RBFOX1: variants seen among roughly 807,000 people sequenced by gnomAD.
The protein encoded by RBFOX1 is RNA binding protein fox-1 homolog 1.
RBFOX1 carries 8 observed loss-of-function variants against 57.7 expected under a neutral mutation model. The observed-to-expected ratio is 0.14, with a 90% CI of 0.08 to 0.25. RBFOX1 has a LOEUF of 0.25. Among genes scored for constraint, RBFOX1 ranks in the 10% least tolerant of loss-of-function variants. The pLI, the probability that RBFOX1 is intolerant of heterozygous loss-of-function variation, is 1.00. For missense variants in RBFOX1, 611 were observed against 548.5 expected, an observed-to-expected ratio of 1.11 and a Z score of -1.14; for synonymous variants, 326 against 222.4, an observed-to-expected ratio of 1.47 and a Z score of -4.15.
chr16:6,569,680 C>T (rs1182078395), intron 2 of RBFOX1, among the ~76,000 whole-genome samples: 1 of 152,180 alleles, frequency 6.6e-6, no homozygotes, highest in East Asian at 1.9e-4. Context: ...GGGAACCCAT[C>T]CTGTGAGTAC....
intron 2 of RBFOX1, among the ~76,000 whole-genome samples, chr16:6,611,753 G>A (rs2098058988): frequency 6.6e-6 from 1 of 152,062 alleles, no homozygotes; most frequent in African/African-American, 2.4e-5. Flanking sequence ...CTGAATGCAG[G>A]AGAAGCCAGA....
intron 1 of RBFOX1, among the ~76,000 whole-genome samples, chr16:5,247,274 G>A (rs1219436027): frequency 2.0e-5 from 3 of 152,202 alleles, no homozygotes; most frequent in Non-Finnish European, 2.9e-5. Flanking sequence ...CTTGCAAACT[G>A]TGGTTTGTGG....
At chr16:5,422,459 A>G in intron 1 of RBFOX1, among the ~76,000 whole-genome samples, 1 of 114,410 alleles carries the variant, frequency 8.7e-6, no homozygotes, top group Non-Finnish European at 1.8e-5. Context: ...AACATGAGGG[A>G]GAGGGAGGGG....
At chr16:6,976,864 T>G (rs1299043075) in intron 3 of RBFOX1, among the ~76,000 whole-genome samples, 2 of 6,990 alleles carry the variant, frequency 2.9e-4, no homozygotes, top group East Asian at 0.056. Flanking sequence ...CACATATATA[T>G]CACATATGTC....
intron 4 of RBFOX1, among the ~76,000 whole-genome samples, chr16:5,981,288 C>G (rs1409997488): frequency 6.6e-6 from 1 of 152,162 alleles, no homozygotes; most frequent in African/African-American, 2.4e-5. Context: ...TTATGGAGAG[C>G]TGGCATCTAC....
intron 4 of RBFOX1, among the ~76,000 whole-genome samples, chr16:7,412,654 G>A (rs1322253114): frequency 1.3e-5 from 2 of 152,160 alleles, no homozygotes; most frequent in South Asian, 2.1e-4. Flanking sequence ...TTTCTCCCAT[G>A]TCTGTTAGAC....
intron 4 of RBFOX1, among the ~76,000 whole-genome samples, chr16:7,449,465 A>T (rs1471882881): frequency 1.3e-5 from 2 of 152,154 alleles, no homozygotes; most frequent in Admixed American, 1.3e-4. Flanking sequence ...GTTATCATCC[A>T]GGTTTCACTA....
chr16:5,603,950 A>C (rs1023312922), downstream of RBFOX1, among the ~76,000 whole-genome samples: 2 of 148,038 alleles, frequency 1.4e-5, no homozygotes, highest in Non-Finnish European at 3.0e-5. Flanking sequence ...TACCCAAGGC[A>C]GACATTACTA....
At chr16:7,603,082 A>T (rs1461150141) in intron 9 of RBFOX1, among the ~76,000 whole-genome samples, 14 of 152,192 alleles carry the variant, frequency 9.2e-5, no homozygotes, top group Non-Finnish European at 2.1e-4. Flanking sequence ...AAGCAGTGCT[A>T]ATCAAAAAGT....
chr16:7,449,724 G>A lies in RBFOX1; in HGVS notation c.28-68423G>A, dbSNP rs554678600. ...GAAAAAGAAACATGTATGTGTGTGT[G>A]TGTGTGGGGGGGGGGGGTTGTTTTG... On this transcript the variant is annotated intron_variant, in intron 4 of 15. Coordinates refer to ENST00000550418, the MANE Select transcript of RBFOX1 (RefSeq NM_018723.4). Among the ~76,000 whole-genome samples, 11 of 98,198 alleles carry A rather than the reference G, an allele frequency of 1.1e-4. No homozygotes were observed. In the East Asian group the frequency reaches 1.3e-3, roughly 11 times the overall value. The allele number at this position is 98,198 out of a possible 152,430, so 64.4% of individuals were successfully genotyped here.
chr16:5,542,215 G>C (rs995726410), intron 2 of RBFOX1, among the ~76,000 whole-genome samples: 62 of 149,274 alleles, frequency 4.2e-4, no homozygotes, highest in African/African-American at 1.5e-3. Context: ...ATTGCTTATA[G>C]TCATTTCAAT....
chr16:7,094,612 C>G (rs1042273959), intron 4 of RBFOX1, among the ~76,000 whole-genome samples: 2 of 145,162 alleles, frequency 1.4e-5, no homozygotes, highest in Non-Finnish European at 3.0e-5. Flanking sequence ...TTGGGGACTC[C>G]TGCATTTCTT....
intron 4 of RBFOX1, among the ~76,000 whole-genome samples, chr16:7,262,280 A>G (rs1448060699): frequency 6.6e-6 from 1 of 150,520 alleles, no homozygotes; most frequent in East Asian, 2.0e-4. Context: ...AATCATTCTA[A>G]TATTCTGTCT....
At chr16:7,085,499 A>G (rs563842501) in intron 4 of RBFOX1, among the ~76,000 whole-genome samples, 2 of 152,292 alleles carry the variant, frequency 1.3e-5, no homozygotes, top group Non-Finnish European at 2.9e-5. Context: ...GATTTGACCG[A>G]TTCACCACCA....
chr16:6,390,093 G>A (rs1485817086), intron 2 of RBFOX1, among the ~76,000 whole-genome samples: 5 of 152,208 alleles, frequency 3.3e-5, no homozygotes, highest in Non-Finnish European at 7.3e-5. Context: ...GCTGAAAGCC[G>A]TGTCTGCACT....
At chr16:6,953,940 G>A (rs919149337) in intron 3 of RBFOX1, among the ~76,000 whole-genome samples, 3 of 152,094 alleles carry the variant, frequency 2.0e-5, no homozygotes, top group African/African-American at 7.2e-5. Context: ...TCCTGACAGA[G>A]GAGTAACCTC....
intron 1 of RBFOX1, among the ~76,000 whole-genome samples, chr16:5,420,693 C>A (rs2067291777): frequency 6.6e-6 from 1 of 152,092 alleles, no homozygotes; most frequent in African/African-American, 2.4e-5. Context: ...GCCACCATGC[C>A]TGGCTAATTT....
At chr16:6,380,068 G>A (rs1456398620) in intron 2 of RBFOX1, among the ~76,000 whole-genome samples, 1 of 152,140 alleles carries the variant, frequency 6.6e-6, no homozygotes, top group Non-Finnish European at 1.5e-5. Flanking sequence ...TTTATGGCGG[G>A]GATTTGAAGA....
chr16:6,741,028 A>G (rs940260751), intron 3 of RBFOX1, among the ~76,000 whole-genome samples: 1 of 152,164 alleles, frequency 6.6e-6, no homozygotes, highest in East Asian at 1.9e-4. Flanking sequence ...AGACACCTAA[A>G]TCAATGGAAG....
Sources: allele counts gnomAD v4.1 joint callset (sites outside exome capture counted in the v4.1 genomes callset), GRCh38; gene constraint gnomAD v4.1.1; transcripts MANE v1.5; gene names NCBI Gene and HGNC (gene_info 2026-07-23, HGNC 2026-07-21).